The following RELN variants were observed in gnomAD, a reference collection of about 807,000 sequenced individuals.
The protein encoded by RELN is reelin.
A neutral mutation model predicts 427.6 loss-of-function variants in RELN; 108 were observed. That is an observed-to-expected ratio of 0.25 (90% CI 0.22 to 0.30). The LOEUF (loss-of-function observed/expected upper bound fraction) is 0.30, where lower values mean the gene tolerates loss of function less well. Ranked by LOEUF, RELN falls within the 10% of genes least tolerant of loss-of-function variation. The probability of loss-of-function intolerance (pLI) is 1.00; values close to 1 mark genes in which losing one functional copy is unlikely to be tolerated. For synonymous variants in RELN, 1,524 were observed against 1,513.4 expected (o/e 1.01, Z -0.16); for missense variants, 3,715 against 4,302.8 (o/e 0.86, Z 3.82).
chr7:103,584,758 T>C (rs1831231419), intron 28 of RELN, among the ~76,000 whole-genome samples: 1 of 152,138 alleles, frequency 6.6e-6, no homozygotes, highest in African/African-American at 2.4e-5. Context: ...CCACAGAATA[T>C]ACTGCTTCAC....
chr7:103,846,056 C>A (rs1793667291), intron 2 of RELN, among the ~76,000 whole-genome samples: 1 of 152,134 alleles, frequency 6.6e-6, no homozygotes, highest in Non-Finnish European at 1.5e-5. Flanking sequence ...CATTGACTTT[C>A]TCCACAGAAT....
At chr7:103,500,239 A>C (rs908697738) in intron 53 of RELN, among the ~76,000 whole-genome samples, 1 of 152,154 alleles carries the variant, frequency 6.6e-6, no homozygotes, top group Non-Finnish European at 1.5e-5. Context: ...TTCAAAAGTG[A>C]CCTCTCCATT....
chr7:103,578,226 T>C (rs776827074), intron 28 of RELN, among the ~76,000 whole-genome samples: 2 of 152,184 alleles, frequency 1.3e-5, no homozygotes, highest in Non-Finnish European at 2.9e-5. Context: ...TTTGCAGTTA[T>C]AGATCCTAAG....
chr7:103,704,894 G>C (rs374194255), intron 8 of RELN, among the ~76,000 whole-genome samples: 2 of 152,180 alleles, frequency 1.3e-5, no homozygotes, highest in African/African-American at 4.8e-5. Context: ...CAGGTCATTG[G>C]GGAGTTCATG....
chr7:103,855,717 T>C (rs1482415539), intron 2 of RELN, among the ~76,000 whole-genome samples: 1 of 152,152 alleles, frequency 6.6e-6, no homozygotes, highest in Non-Finnish European at 1.5e-5. Flanking sequence ...CTGAAGGTCC[T>C]GAGAGAGGAT....
rs1169978737 is a variant in RELN at position 103,626,640 on chromosome 7, A to G, written c.2702+3300T>C. 3.9e-5 allele frequency among the ~76,000 whole-genome samples: 6 copies of G among 152,100 alleles called. No homozygotes were observed. The highest frequency in any genetic ancestry group is 2.9e-5 in the Non-Finnish European group (2 of 67,984). ...TGCACAAGCCACTGTGCCTGGCCTCAACTGTACACATTTTAAAACCCAAAC... is the reference window on the plus strand; with the variant it reads ...TGCACAAGCCACTGTGCCTGGCCTCGACTGTACACATTTTAAAACCCAAAC... On this transcript the variant is annotated intron_variant, in intron 20 of 64. Transcript: ENST00000428762. The surrounding 1 kb of genome is among the most constrained non-coding windows in gnomAD (Gnocchi z 4.4).
intron 2 of RELN, among the ~76,000 whole-genome samples, chr7:103,891,337 A>G (rs1189356312): frequency 1.3e-5 from 2 of 152,124 alleles, no homozygotes; most frequent in Admixed American, 6.6e-5. Context: ...ATATCATACT[A>G]ATGTTCTGGT....
rs1469976885 is a variant in RELN at position 103,596,680 on chromosome 7, A to G, written c.3334-19T>C. 2 of 1,609,332 alleles carry G rather than the reference A, an allele frequency of 1.2e-6. No individual in the cohort carries two copies. Among genetic ancestry groups the G allele is most frequent in the Non-Finnish European group, 1.7e-6 (2 of 1,175,830 alleles). On this transcript the variant is annotated intron_variant, in intron 24 of 64. Transcript: ENST00000428762. ...TCCCAGCCTTTCAGAAAAGAAGAAA[A>G]ATCAAATTCAGTAATCTGGGAGTTC...
At chr7:103,850,519 G>A (rs1793796704) in intron 2 of RELN, among the ~76,000 whole-genome samples, 2 of 151,764 alleles carry the variant, frequency 1.3e-5, no homozygotes, top group Admixed American at 1.3e-4. Flanking sequence ...AGCCAGAGGA[G>A]CAGAAGGTAA....
intron 28 of RELN, among the ~76,000 whole-genome samples, chr7:103,586,405 C>G (rs1397672191): frequency 1.3e-5 from 2 of 151,906 alleles, no homozygotes; most frequent in Non-Finnish European, 2.9e-5. Flanking sequence ...CCATATATGA[C>G]AAACCCACAG....
At chr7:103,566,138 G>T in intron 33 of RELN, 86 bp downstream of exon 33, 1 of 1,204,628 alleles carries the variant, frequency 8.3e-7, no homozygotes, top group Non-Finnish European at 1.2e-6. Flanking sequence ...ACACGGTTTT[G>T]CATTAGAAAG....
chr7:103,854,909 A>G (rs1189704173), intron 2 of RELN, among the ~76,000 whole-genome samples: 3 of 152,240 alleles, frequency 2.0e-5, no homozygotes, highest in Admixed American at 6.5e-5. Flanking sequence ...TCAATAATGC[A>G]AAGAACACTA....
intron 55 of RELN, among the ~76,000 whole-genome samples, chr7:103,497,133 TA>T (rs1238503249): frequency 6.6e-6 from 1 of 152,242 alleles, no homozygotes; most frequent in East Asian, 1.9e-4. Flanking sequence ...ATTGTAATTT[TA>T]TGCAATTTAA....
intron 2 of RELN, among the ~76,000 whole-genome samples, chr7:103,908,520 G>A (rs1037195217): frequency 1.3e-5 from 2 of 152,094 alleles, no homozygotes; most frequent in East Asian, 3.9e-4. Context: ...CTGAGTTCAC[G>A]TACTGAGCCA....
chr7:103,611,054 C>T (rs900638749), intron 21 of RELN, among the ~76,000 whole-genome samples: 30 of 152,278 alleles, frequency 2.0e-4, no homozygotes, highest in African/African-American at 6.5e-4. Flanking sequence ...TCCCAATACT[C>T]GCACATACAA....
At chr7:103,803,480 C>G (rs1029536732) in intron 3 of RELN, among the ~76,000 whole-genome samples, 1 of 152,064 alleles carries the variant, frequency 6.6e-6, no homozygotes, top group African/African-American at 2.4e-5. Context: ...AGACACCTGG[C>G]TGGAGTGATG....
At position 103,746,076 on chromosome 7, in the gene RELN, C is replaced by T. The variant is rs892965155; in HGVS notation, c.656+3350G>A. Among the ~76,000 whole-genome samples, 14 of 151,926 alleles carry T rather than the reference C, an allele frequency of 9.2e-5. 1 individual carries two copies. In the East Asian group the frequency reaches 1.2e-3, roughly 13 times the overall value. On this transcript the variant is annotated intron_variant, in intron 6 of 64. Coordinates refer to ENST00000428762, the MANE Select transcript of RELN (RefSeq NM_005045.4). ...ACTGGTACCAAAACAGAGATATAGACCAATGGAACAGAACAGAGCCCTCAG... is the reference window on the plus strand; with the variant it reads ...ACTGGTACCAAAACAGAGATATAGATCAATGGAACAGAACAGAGCCCTCAG...
intron 1 of RELN, among the ~76,000 whole-genome samples, chr7:103,918,097 T>C (rs1190445216): frequency 6.6e-6 from 1 of 152,044 alleles, no homozygotes; most frequent in African/African-American, 2.4e-5. Flanking sequence ...AATGAGAATG[T>C]TTAAATTAAA....
rs184451386 is a variant in RELN at position 103,830,309 on chromosome 7, A to G, written c.473+3228T>C. ...CCCTGACCTTAAAATCCAGTTAGTA[A>G]AAGAAAACAAGCATGTGGAAAATTA... On this transcript the variant is annotated intron_variant, in intron 3 of 64. Coordinates refer to ENST00000428762, the MANE Select transcript of RELN (RefSeq NM_005045.4). 2.1e-3 allele frequency among the ~76,000 whole-genome samples: 313 copies of G among 152,120 alleles called. 2 individuals are homozygous for G. The highest frequency in any genetic ancestry group is 7.0e-3 in the African/African-American group (292 of 41,542).
Sources: allele counts gnomAD v4.1 joint callset (sites outside exome capture counted in the v4.1 genomes callset), GRCh38; gene constraint gnomAD v4.1.1; non-coding constraint Gnocchi (gnomAD v3.1); transcripts MANE v1.5; gene names NCBI Gene and HGNC (gene_info 2026-07-23, HGNC 2026-07-21).